THRAP3: variants seen among roughly 807,000 people sequenced by gnomAD.
THRAP3 encodes the protein thyroid hormone receptor-associated protein 3.
In THRAP3, 16 loss-of-function variants were observed where a neutral mutation model predicts 101.0. The ratio of observed to expected loss-of-function variants is 0.16; its 90% CI spans 0.11 to 0.24. THRAP3 has a LOEUF of 0.24. Ranked by LOEUF, THRAP3 falls within the 10% of genes least tolerant of loss-of-function variation. THRAP3 has a pLI of 1.00. For synonymous variants in THRAP3, 407 were observed against 422.6 expected (o/e 0.96, Z 0.45); for missense variants, 989 against 1,202.7 (o/e 0.82, Z 2.63).
chr1:36,213,185 T>C, the THRAP3 span, among the ~76,000 whole-genome samples: 1 of 152,148 alleles, frequency 6.6e-6, no homozygotes, highest in Admixed American at 6.6e-5. Flanking sequence ...CCTTGTAGAT[T>C]ACACTGAGGG....
intron 2 of THRAP3, among the ~76,000 whole-genome samples, chr1:36,270,139 A>G (rs1401083344): frequency 6.6e-6 from 1 of 152,220 alleles, no homozygotes; most frequent in Non-Finnish European, 1.5e-5. Context: ...CTGTAATCCC[A>G]GCACTTTGGA....
At chr1:36,214,716 G>T in the THRAP3 span, among the ~76,000 whole-genome samples, 1 of 151,810 alleles carries the variant, frequency 6.6e-6, no homozygotes, top group Admixed American at 6.6e-5. Context: ...AAAATTAGCC[G>T]AGCATGGTGG....
chr1:36,286,839 G>A lies in THRAP3; in HGVS notation c.609G>A (p.Glu203=). Residue 203 remains glutamate, a synonymous_variant, in exon 4 of 12, where the codon GAG becomes GAA. Transcript: ENST00000354618. This position sits in a 1 kb window ranked among gnomAD's most constrained non-coding sequence, Gnocchi z 5.5. ...AGDNQGDEAK[E]QTFSGGTSQD... is the part of the protein sequence containing the mutation. Reference sequence around the variant, plus strand: ...ATAACCAGGGAGATGAGGCCAAGGAGCAGACATTCTCTGGAGGCACCTCTC... The same window carrying A: ...ATAACCAGGGAGATGAGGCCAAGGAACAGACATTCTCTGGAGGCACCTCTC... The A allele has an allele frequency of 6.2e-7, 1 of 1,614,214 alleles. No individual in the cohort carries two copies. Among genetic ancestry groups the A allele is most frequent in the Non-Finnish European group, 8.5e-7 (1 of 1,180,030 alleles).
At chr1:36,228,911 G>A (rs1030408722) in intron 1 of THRAP3, among the ~76,000 whole-genome samples, 28 of 152,158 alleles carry the variant, frequency 1.8e-4, no homozygotes, top group African/African-American at 6.3e-4. Context: ...AAGGTGGGAG[G>A]ATCCCTTGAC....
intron 1 of THRAP3, among the ~76,000 whole-genome samples, chr1:36,245,887 T>C (rs367985522): frequency 2.0e-5 from 3 of 152,214 alleles, no homozygotes; most frequent in African/African-American, 7.2e-5. Flanking sequence ...AGTAGCAATT[T>C]TGAATAAATT....
intron 2 of THRAP3, among the ~76,000 whole-genome samples, chr1:36,261,163 C>G (rs185495389): frequency 6.6e-6 from 1 of 152,060 alleles, no homozygotes; most frequent in Non-Finnish European, 1.5e-5. Flanking sequence ...TTTGGGAGGC[C>G]GAGGAGGGCA....
intron 1 of THRAP3, among the ~76,000 whole-genome samples, chr1:36,253,132 A>G (rs1012934135): frequency 5.9e-5 from 8 of 135,598 alleles, no homozygotes; most frequent in Admixed American, 3.2e-4. Context: ...GTGAAGTTTT[A>G]TGTGTGTCAT....
At position 36,293,901 on chromosome 1, in the gene THRAP3, A is replaced by G; in HGVS notation, c.2081A>G (p.Asp694Gly). 1.2e-6 allele frequency: 2 copies of G among 1,613,874 alleles called. No homozygotes were observed. The highest frequency in any genetic ancestry group is 1.7e-6 in the Non-Finnish European group (2 of 1,179,820). The change falls in exon 8 of 12, where the codon GAT becomes GGT. Residue 694 changes from aspartate (D) to glycine (G), a missense_variant. Physicochemically the swap from Asp to Gly is moderately conservative, Grantham distance 94 (BLOSUM62 -1). Transcript: ENST00000354618. ...STFRKHGLAH[D>G]EMKSPREPGY... is the part of the protein sequence containing the mutation. ...TTCAGAAAACATGGTTTGGCTCATG[A>G]TGAAATGAAAAGTCCCCGGGAACCT...
At chr1:36,227,998 C>A (rs1007757706) in intron 1 of THRAP3, among the ~76,000 whole-genome samples, 1 of 151,844 alleles carries the variant, frequency 6.6e-6, no homozygotes, top group Admixed American at 6.6e-5. Context: ...GCCTCAGCCT[C>A]CCAAGTAGCT....
At chr1:36,235,971 G>T (rs1645082710) in intron 1 of THRAP3, among the ~76,000 whole-genome samples, 1 of 151,964 alleles carries the variant, frequency 6.6e-6, no homozygotes, top group Non-Finnish European at 1.5e-5. Flanking sequence ...ATGTCGGACT[G>T]GGCGTGGTTG....
chr1:36,226,303 A>T (rs927567178), intron 1 of THRAP3, among the ~76,000 whole-genome samples: 3 of 152,340 alleles, frequency 2.0e-5, no homozygotes, highest in Admixed American at 6.5e-5. Flanking sequence ...GCTGTCACCC[A>T]GGCTGGAGTG....
At chr1:36,262,513 G>A (rs1235428980) in intron 2 of THRAP3, among the ~76,000 whole-genome samples, 1 of 152,182 alleles carries the variant, frequency 6.6e-6, no homozygotes, top group Non-Finnish European at 1.5e-5. Flanking sequence ...ACCATTGTCT[G>A]TAAAAGCTGT....
At chr1:36,282,274 C>G (rs1645742575) in intron 2 of THRAP3, among the ~76,000 whole-genome samples, 3 of 151,274 alleles carry the variant, frequency 2.0e-5, no homozygotes, top group Middle Eastern at 6.9e-3. Flanking sequence ...GCTCTTTCCT[C>G]CAGAGCTGCA....
chr1:36,301,039 T>C lies in THRAP3; in HGVS notation c.2457T>C (p.Phe819=). The C allele has an allele frequency of 2.5e-6, 4 of 1,614,208 alleles. No individual in the cohort carries two copies. The highest frequency in any genetic ancestry group is 3.4e-6 in the Non-Finnish European group (4 of 1,180,038). Residue 819 remains phenylalanine (F), a synonymous_variant, in exon 10 of 12, where the codon TTT becomes TTC. Transcript: ENST00000354618. ...AATCAAGACTGGGGACCAAAGACTT[T>C]GTGGGTCCAAGTGAAAGAGGAGGTG... ...FDKSRLGTKD[F]VGPSERGGGR...
chr1:36,294,229 T>C, intron 8 of THRAP3: 1 of 1,162,476 alleles, frequency 8.6e-7, no homozygotes, highest in East Asian at 4.4e-5. Flanking sequence ...CTTTTTGTGA[T>C]ATTTTTCTGC....
rs750539559 is a variant in THRAP3, at chr1:36,289,239, A to T, written c.1220A>T (p.Gln407Leu). ...TCTGAGAAGCCTTTTCGGGGCAGTC[A>T]GTCTCCCAAAAGGTATAAGCTCCGA... is the stretch of plus-strand genomic sequence containing the variant. ...TDSEKPFRGS[Q>L]SPKRYKLRDD... is the part of the protein sequence containing the mutation. Residue 407 changes from glutamine to leucine, a missense_variant, in exon 5 of 12, where the codon CAG (glutamine) becomes CTG (leucine). Coordinates refer to ENST00000354618, the MANE Select transcript of THRAP3 (RefSeq NM_005119.4). 6.2e-7 allele frequency: 1 copy of T among 1,614,136 alleles called. No homozygotes were observed. The highest frequency in any genetic ancestry group is 8.5e-7 in the Non-Finnish European group (1 of 1,180,022).
At chr1:36,213,755 G>A in the THRAP3 span, among the ~76,000 whole-genome samples, 2 of 151,790 alleles carry the variant, frequency 1.3e-5, no homozygotes, top group African/African-American at 2.4e-5. Flanking sequence ...GCTGAGGCAG[G>A]AGAATCGCTT....
chr1:36,292,643 C>G lies in THRAP3; in HGVS notation c.1964C>G (p.Thr655Ser), dbSNP rs573937975. ...SSGMTLHERF[T>S]KYLKRGTEQE... ...GGAATGACATTACATGAACGCTTTA[C>G]TAAATACCTAAAGAGAGGAACTGAG... is the stretch of plus-strand genomic sequence containing the variant. Residue 655 changes from threonine to serine, a missense_variant, in exon 7 of 12, where the codon ACT (threonine) becomes AGT (serine). Transcript: ENST00000354618. 1.2e-6 allele frequency: 2 copies of G among 1,613,608 alleles called. No homozygotes were observed. The highest frequency in any genetic ancestry group is 4.5e-5 in the East Asian group (2 of 44,850).
Position 36,270,199 on chromosome 1 carries a change from G to A in THRAP3, c.-32+10715G>A, listed in dbSNP as rs370620369. ...AACCCAGGAGTTTGAAACCAGCTTG[G>A]GCAACATGGCGAGACCTTGTCTCTA... On this transcript the variant is annotated intron_variant, in intron 2 of 11. Transcript: ENST00000354618. Among the ~76,000 whole-genome samples, 7 of 152,116 alleles carry A rather than the reference G, an allele frequency of 4.6e-5. No homozygotes were observed. In the East Asian group the frequency reaches 1.2e-3, roughly 25 times the overall value.
Sources: gnomAD v4.1 joint callset for allele counts (sites outside exome capture counted in the v4.1 genomes callset) on GRCh38, gnomAD v4.1.1 for gene constraint, Gnocchi (gnomAD v3.1) non-coding constraint, MANE v1.5 for transcripts, NCBI Gene and HGNC (gene_info 2026-07-23, HGNC 2026-07-21) for gene names.